Variants in TSNAX observed in about 807,000 individuals in gnomAD.
TSNAX encodes the protein translin associated factor X.
A neutral mutation model predicts 33.0 loss-of-function variants in TSNAX; 12 were observed. The observed-to-expected ratio is 0.36, with a 90% CI of 0.23 to 0.59. TSNAX has a LOEUF of 0.59. Among genes scored for constraint, TSNAX ranks in the 20% least tolerant of loss-of-function variants. The probability of loss-of-function intolerance (pLI) is 0.74; values close to 1 mark genes in which losing one functional copy is unlikely to be tolerated. For synonymous variants in TSNAX, 110 were observed against 117.2 expected (o/e 0.94, Z 0.40); for missense variants, 267 against 341.3 (o/e 0.78, Z 1.72).
At chr1:231,532,040 C>G (rs868705327) in intron 2 of TSNAX, among the ~76,000 whole-genome samples, 2 of 150,864 alleles carry the variant, frequency 1.3e-5, no homozygotes, top group African/African-American at 2.4e-5. Context: ...CCACTGCACT[C>G]CAGGCTGGGC....
At position 231,565,719 on chromosome 1, in the gene TSNAX, A is replaced by T. The variant is rs190846479; in HGVS notation, c.*814A>T. ...AGCCTGGGTAACAGAGCAAGACTCCATCTCAAAAAAAGAAAGAAAGAAAAA... is the reference window on the plus strand; with the variant it reads ...AGCCTGGGTAACAGAGCAAGACTCCTTCTCAAAAAAAGAAAGAAAGAAAAA... On this transcript the variant is annotated 3_prime_UTR_variant, in exon 6 of 6. Transcript: ENST00000366639. 2.4e-4 allele frequency: 36 copies of T among 152,244 alleles called. No individual in the cohort carries two copies. Among genetic ancestry groups the T allele is most frequent in the African/African-American group, 8.2e-4 (34 of 41,544 alleles). 9.4% of individuals were successfully genotyped at this position (152,244 alleles called of 1,614,324 possible).
chr1:231,530,768 A>G (rs941130059), intron 2 of TSNAX, among the ~76,000 whole-genome samples: 1 of 149,594 alleles, frequency 6.7e-6, no homozygotes, highest in African/African-American at 2.5e-5. Context: ...GGTGCCTGTA[A>G]TCCCAGCTAC....
At chr1:231,552,941 T>C (rs1253477985) in intron 4 of TSNAX, among the ~76,000 whole-genome samples, 2 of 152,244 alleles carry the variant, frequency 1.3e-5, no homozygotes, top group East Asian at 3.8e-4. Context: ...TTTTAATAGC[T>C]GAATTATAGT....
intron 4 of TSNAX, among the ~76,000 whole-genome samples, chr1:231,560,518 G>C (rs1468606840): frequency 7.2e-6 from 1 of 139,100 alleles, no homozygotes; most frequent in East Asian, 2.2e-4. Flanking sequence ...GGGTTCAAGC[G>C]ATTCTCCTGC....
At chr1:231,542,964 G>T in intron 4 of TSNAX, 2 of 155,774 alleles carry the variant, frequency 1.3e-5, no homozygotes, top group Non-Finnish European at 2.8e-5. Context: ...GGATCACCAG[G>T]TCAGGAGTTC....
intron 5 of TSNAX, among the ~76,000 whole-genome samples, chr1:231,562,268 AC>A (rs1572152033): frequency 2.0e-5 from 3 of 150,684 alleles, no homozygotes; most frequent in African/African-American, 7.3e-5. Context: ...ATTTTTAAAA[AC>A]ACCATATATT....
rs1199716471 is a variant in TSNAX, at chr1:231,528,710, T to C, written c.-101T>C. 3.5e-6 allele frequency: 5 copies of C among 1,439,586 alleles called. No individual in the cohort carries two copies. The highest frequency in any genetic ancestry group is 4.9e-6 in the Non-Finnish European group (5 of 1,028,944). 89.2% of individuals were successfully genotyped at this position (1,439,586 alleles called of 1,614,324 possible). ...AGTCGGCCCGGCTGCAAAGCGTTTT[T>C]CTGCAGGCTGTTTTCCCAGGTTCCC... On this transcript the variant is annotated 5_prime_UTR_variant, in exon 1 of 6. Transcript: ENST00000366639.
intron 3 of TSNAX, among the ~76,000 whole-genome samples, chr1:231,539,840 GA>G (rs926914973): frequency 2.0e-5 from 3 of 151,820 alleles, no homozygotes; most frequent in South Asian, 4.1e-4. Context: ...AGAAACTTAA[GA>G]AAAAAATAGA....
At chr1:231,545,895 G>C (rs1659878073) in intron 4 of TSNAX, among the ~76,000 whole-genome samples, 2 of 152,096 alleles carry the variant, frequency 1.3e-5, no homozygotes, top group Non-Finnish European at 2.9e-5. Context: ...AGGCTCACAA[G>C]TTATGCTCAG....
chr1:231,537,367 A>G, intron 3 of TSNAX, 40 bp downstream of exon 3: 1 of 1,291,028 alleles, frequency 7.7e-7, no homozygotes, highest in South Asian at 1.3e-5. Flanking sequence ...GTTTGATACT[A>G]GCTATTAGAA....
chr1:231,542,313 G>T, intron 3 of TSNAX, 168 bp from the exon 4 acceptor site: 2 of 639,834 alleles, frequency 3.1e-6, no homozygotes, highest in South Asian at 5.6e-5. Flanking sequence ...TTAACAGTGT[G>T]TTAATAACAT....
intron 3 of TSNAX, among the ~76,000 whole-genome samples, chr1:231,538,707 T>C (rs1659353979): frequency 6.6e-6 from 1 of 152,112 alleles, no homozygotes; most frequent in Admixed American, 6.5e-5. Flanking sequence ...ATTGAAGATA[T>C]TATTGCCCGG....
intron 5 of TSNAX, among the ~76,000 whole-genome samples, chr1:231,562,497 G>C (rs1314248748): frequency 1.3e-5 from 2 of 151,970 alleles, no homozygotes; most frequent in Non-Finnish European, 2.9e-5. Flanking sequence ...AGTGTAGACT[G>C]AATTACACAA....
intron 4 of TSNAX, among the ~76,000 whole-genome samples, chr1:231,559,380 G>A (rs958430299): frequency 7.2e-5 from 11 of 152,168 alleles, no homozygotes; most frequent in Admixed American, 7.2e-4. Flanking sequence ...CCAGGCTGGA[G>A]TGCAGTGGCA....
chr1:231,553,603 A>G (rs1660483272), intron 4 of TSNAX, among the ~76,000 whole-genome samples: 1 of 152,130 alleles, frequency 6.6e-6, no homozygotes, highest in Non-Finnish European at 1.5e-5. Context: ...CATGTGACCA[A>G]AAATGCTTTT....
chr1:231,560,413 C>T (rs868598796), intron 4 of TSNAX, among the ~76,000 whole-genome samples: 3 of 97,686 alleles, frequency 3.1e-5, no homozygotes, highest in South Asian at 9.3e-4. Flanking sequence ...TTCTCCCCCC[C>T]CCCCCTTTTT....
intron 4 of TSNAX, among the ~76,000 whole-genome samples, chr1:231,558,206 C>T (rs528224538): frequency 1.3e-5 from 2 of 152,170 alleles, no homozygotes; most frequent in Non-Finnish European, 2.9e-5. Context: ...ATTCCCTGCC[C>T]AAGGAGGTGG....
At chr1:231,550,715 G>A (rs552213685) in intron 4 of TSNAX, among the ~76,000 whole-genome samples, 17 of 152,216 alleles carry the variant, frequency 1.1e-4, no homozygotes, top group Admixed American at 6.5e-5. Flanking sequence ...GTCCCCTATT[G>A]GTTGGAGGAG....
chr1:231,538,681 T>G (rs1432757528), intron 3 of TSNAX, among the ~76,000 whole-genome samples: 1 of 152,176 alleles, frequency 6.6e-6, no homozygotes. Context: ...CACATATAAT[T>G]TATTAGCTTT....
Sources: gnomAD v4.1 joint callset for allele counts (sites outside exome capture counted in the v4.1 genomes callset) on GRCh38, gnomAD v4.1.1 for gene constraint, MANE v1.5 for transcripts, NCBI Gene and HGNC (gene_info 2026-07-23, HGNC 2026-07-21) for gene names.